DRAM1: variants seen among roughly 807,000 people sequenced by gnomAD.
DRAM1 encodes the protein DNA damage regulated autophagy modulator 1, also known as DNA damage-regulated autophagy modulator protein 1.
A neutral mutation model predicts 28.5 loss-of-function variants in DRAM1; 25 were observed. That is an observed-to-expected ratio of 0.88 (90% CI 0.64 to 1.23). The LOEUF is 1.23. Ranked by LOEUF, DRAM1 falls within the 50% of genes most tolerant of loss-of-function variation. The pLI, the probability that DRAM1 is intolerant of heterozygous loss-of-function variation, is 0.00. For synonymous variants in DRAM1, 113 were observed against 114.2 expected, an observed-to-expected ratio of 0.99 and a Z score of 0.07; for missense variants, 249 against 299.2, an observed-to-expected ratio of 0.83 and a Z score of 1.24.
At chr12:101,892,690 G>C (rs1270926859) in intron 1 of DRAM1, among the ~76,000 whole-genome samples, 1 of 152,044 alleles carries the variant, frequency 6.6e-6, no homozygotes, top group African/African-American at 2.4e-5. Flanking sequence ...AATGTAAATT[G>C]GTACTGCTTT....
chr12:101,883,810 C>T (rs1204451918), intron 1 of DRAM1, among the ~76,000 whole-genome samples: 3 of 151,212 alleles, frequency 2.0e-5, no homozygotes, highest in African/African-American at 7.3e-5. Context: ...GTGGCATGTG[C>T]CTGTAGTCCC....
chr12:101,914,751 G>A (rs1874169690), intron 5 of DRAM1, among the ~76,000 whole-genome samples: 1 of 151,898 alleles, frequency 6.6e-6, no homozygotes. Flanking sequence ...TTTGCCTCCT[G>A]GGTTCAAGTG....
intron 1 of DRAM1, among the ~76,000 whole-genome samples, chr12:101,887,207 A>T (rs1314842381): frequency 2.6e-4 from 39 of 152,080 alleles, no homozygotes; most frequent in Admixed American, 2.6e-3. Context: ...AATTGTCCGA[A>T]AAAAATTTGT....
At chr12:101,892,592 C>T (rs146063145) in intron 1 of DRAM1, among the ~76,000 whole-genome samples, 16 of 151,970 alleles carry the variant, frequency 1.1e-4, no homozygotes, top group African/African-American at 3.9e-4. Flanking sequence ...TGGGCAAACA[C>T]TATTGTTCTT....
chr12:101,884,933 G>GTTTTTTT (rs779895150), intron 1 of DRAM1, among the ~76,000 whole-genome samples: 1 of 134,438 alleles, frequency 7.4e-6, no homozygotes, highest in Non-Finnish European at 1.6e-5. Context: ...TAGAGAAAAT[G>GTTTTTTT]TTTTTTTTTT....
intron 1 of DRAM1, among the ~76,000 whole-genome samples, chr12:101,882,435 A>G (rs1872723958): frequency 2.0e-5 from 3 of 151,188 alleles, no homozygotes; most frequent in Non-Finnish European, 4.4e-5. Context: ...TTTTTAGCAC[A>G]GTTGAACACT....
chr12:101,888,070 C>T (rs1872956100), intron 1 of DRAM1, among the ~76,000 whole-genome samples: 1 of 152,126 alleles, frequency 6.6e-6, no homozygotes, highest in South Asian at 2.1e-4. Context: ...TTCTAATCTA[C>T]AGTGTCACAA....
chr12:101,893,636 TCC>T (rs2121063763), intron 1 of DRAM1, among the ~76,000 whole-genome samples: 1 of 152,304 alleles, frequency 6.6e-6, no homozygotes, highest in African/African-American at 2.4e-5. Flanking sequence ...ATACCCAATT[TCC>T]TACTTTGTAA....
rs990754594 is a variant in DRAM1, at chr12:101,905,632, C to T, written c.343-2554C>T. On this transcript the variant is annotated intron_variant, in intron 3 of 6. Coordinates refer to ENST00000258534, the MANE Select transcript of DRAM1 (RefSeq NM_018370.3). ...TGAGACAAGGTCTCACTCTGTTGCCCAGACTAGAGTGCAGTGGTGCTATCA... is the reference window on the plus strand; with the variant it reads ...TGAGACAAGGTCTCACTCTGTTGCCTAGACTAGAGTGCAGTGGTGCTATCA... Among the ~76,000 whole-genome samples the T allele has an allele frequency of 9.2e-5, 14 of 152,048 alleles. No individual in the cohort carries two copies. In the East Asian group the frequency reaches 1.4e-3, roughly 15 times the overall value.
chr12:101,908,574 G>T (rs1351104339), intron 4 of DRAM1, among the ~76,000 whole-genome samples: 1 of 152,098 alleles, frequency 6.6e-6, no homozygotes, highest in South Asian at 2.1e-4. Flanking sequence ...GTACTAAAAG[G>T]AAACCTCAAG....
intron 1 of DRAM1, among the ~76,000 whole-genome samples, chr12:101,888,906 G>T (rs775256570): frequency 3.4e-5 from 5 of 147,194 alleles, no homozygotes; most frequent in Non-Finnish European, 5.9e-5. Flanking sequence ...CCGGGCTCAA[G>T]TGATCCTCCT....
chr12:101,915,309 CTATCTT>C (rs558595823), intron 5 of DRAM1, among the ~76,000 whole-genome samples: 368 of 152,192 alleles, frequency 2.4e-3, no homozygotes, highest in African/African-American at 8.5e-3. Context: ...CTTCAACTAT[CTATCTT>C]TAGTAAAAGA....
intron 1 of DRAM1, among the ~76,000 whole-genome samples, chr12:101,881,868 G>A (rs1872698437): frequency 1.3e-5 from 2 of 152,198 alleles, no homozygotes; most frequent in South Asian, 4.2e-4. Flanking sequence ...TATTTATTAT[G>A]TTTATTTTCT....
chr12:101,912,798 A>G (rs1233077574), intron 4 of DRAM1, among the ~76,000 whole-genome samples: 1 of 150,672 alleles, frequency 6.6e-6, no homozygotes, highest in African/African-American at 2.4e-5. Flanking sequence ...CAGTGGTGCA[A>G]ATTCAGCTCA....
At chr12:101,895,186 G>GTTTTTTTTTTTTTGTTTTTT (rs1873301157) in intron 1 of DRAM1, among the ~76,000 whole-genome samples, 4 of 75,720 alleles carry the variant, frequency 5.3e-5, no homozygotes, top group Non-Finnish European at 7.0e-5. Flanking sequence ...AACCCTTCAG[G>GTTTTTTTTTTTTTGTTTTTT]TTTTTTTTTT....
At chr12:101,894,716 C>G (rs1566123633) in intron 1 of DRAM1, among the ~76,000 whole-genome samples, 1 of 152,208 alleles carries the variant, frequency 6.6e-6, no homozygotes, top group Non-Finnish European at 1.5e-5. Context: ...CTGGTCTTCT[C>G]TTCAGTCAGA....
chr12:101,897,800 G>T (rs1261429726), intron 1 of DRAM1, 63 bp from the exon 2 acceptor site: 1 of 1,197,976 alleles, frequency 8.3e-7, no homozygotes, highest in East Asian at 2.4e-5. Context: ...CCAATTACGT[G>T]TCTTCCCAGA....
intron 1 of DRAM1, among the ~76,000 whole-genome samples, chr12:101,895,576 T>TATTTA (rs1873333004): frequency 1.4e-5 from 2 of 143,164 alleles, no homozygotes; most frequent in African/African-American, 5.3e-5. Context: ...ATTTTTTTTT[T>TATTTA]TTTTTTTTTT....
At position 101,914,240 on chromosome 12, in the gene DRAM1, T is replaced by C; in HGVS notation, c.579+8T>C. ...TGGAATCCAAGAGAAAAGGTAACATTTAAGTTGTTGTGAATGTGGTTGTCG... is the reference window on the plus strand; with the variant it reads ...TGGAATCCAAGAGAAAAGGTAACATCTAAGTTGTTGTGAATGTGGTTGTCG... On this transcript the variant is annotated splice_region_variant and intron_variant, in intron 5 of 6. Coordinates refer to ENST00000258534, the MANE Select transcript of DRAM1 (RefSeq NM_018370.3). 1 of 1,604,592 alleles carries C rather than the reference T, an allele frequency of 6.2e-7. No individual in the cohort carries two copies. The highest frequency in any genetic ancestry group is 1.1e-5 in the South Asian group (1 of 89,462).
Sources: allele counts gnomAD v4.1 joint callset (sites outside exome capture counted in the v4.1 genomes callset), GRCh38; gene constraint gnomAD v4.1.1; transcripts MANE v1.5; gene names NCBI Gene and HGNC (gene_info 2026-07-23, HGNC 2026-07-21).